The following UMOD variants were observed in gnomAD, a reference collection of about 807,000 sequenced individuals.
UMOD encodes the protein Tamm-Horsfall urinary glycoprotein.
Under a neutral mutation model 66.0 loss-of-function variants are expected in UMOD, and 64 were observed. The ratio of observed to expected loss-of-function variants is 0.97; its 90% confidence interval spans 0.79 to 1.19. The LOEUF (loss-of-function observed/expected upper bound fraction) is 1.19, where lower values mean the gene tolerates loss of function less well. Ranked by LOEUF, UMOD falls within the 50% of genes most tolerant of loss-of-function variation. The pLI, the probability that UMOD is intolerant of heterozygous loss-of-function variation, is 0.00. For synonymous variants in UMOD, 398 were observed against 352.7 expected (o/e 1.13, Z -1.44); for missense variants, 764 against 850.9 (o/e 0.90, Z 1.27).
At chr16:20,351,025 C>T (rs1049082732) in intron 1 of UMOD, 186 bp from the exon 2 acceptor site, 13 of 472,444 alleles carry the variant, frequency 2.8e-5, no homozygotes, top group Admixed American at 2.1e-4. Flanking sequence ...CTTACCTCAC[C>T]AACATCCCAG....
Position 20,341,285 on chromosome 16 carries a change from C to A in UMOD, c.1383G>T (p.Ala461=). The A allele has an allele frequency of 6.2e-7, 1 of 1,613,992 alleles. No individual in the cohort carries two copies. Among genetic ancestry groups the A allele is most frequent in the Admixed American group, 1.7e-5 (1 of 59,998 alleles). Residue 461 remains alanine, a synonymous_variant, in exon 7 of 11, where the codon GCG becomes GCT. Coordinates refer to ENST00000396138, the MANE Select transcript of UMOD (RefSeq NM_003361.4). Reference sequence around the variant, plus strand: ...GCGTGTAGGAAGGGGTCTGGAAGAGCGCCATCCGCACGGTGAACATGCCGG... The same window carrying A: ...GCGTGTAGGAAGGGGTCTGGAAGAGAGCCATCCGCACGGTGAACATGCCGG... ...GGTGMFTVRM[A]LFQTPSYTQP... is the part of the protein sequence containing the mutation.
Position 20,345,394 on chromosome 16 carries a change from CT to C in UMOD, c.1182+731del, listed in dbSNP as rs879393522. 8.5e-3 allele frequency among the ~76,000 whole-genome samples: 1,035 copies of C among 121,632 alleles called. 14 individuals carry two copies. Among genetic ancestry groups the C allele is most frequent in the African/African-American group, 0.037 (969 of 26,486 alleles). 79.8% of individuals were successfully genotyped at this position (121,632 alleles called of 152,430 possible). A position where few individuals can be genotyped will look rare whatever the true frequency, so the allele number is the denominator to read the frequency against. On this transcript the variant is annotated intron_variant, in intron 5 of 10. Transcript: ENST00000396138. ...CTTTCTTCCTTCCTTCCTTTCTTTT[CT>C]TTTTTTTTCTTTCTTTCTTTCTTTC...
rs1378361381 is a variant in UMOD at position 20,348,611 on chromosome 16, C to T, written c.690G>A (p.Trp230Ter). 1 of 1,587,294 alleles carries T rather than the reference C, an allele frequency of 6.3e-7. No homozygotes were observed. Among genetic ancestry groups the T allele is most frequent in the East Asian group, 2.3e-5 (1 of 43,830 alleles). ...CGCTGGACGGATGCGTGCCATTGAG[C>T]CACATGGGGGCGGCCGTGTTGCAGC... ...VLRCNTAAPM[W>*]LNGTHPSSDE... Residue 230 changes from tryptophan (W) to a stop codon, truncating the protein, a stop_gained, in exon 3 of 11, where the codon TGG becomes TGA. Transcript: ENST00000396138. LOFTEE classifies it high-confidence loss of function.
chr16:20,346,760 T>C (rs114112267), intron 4 of UMOD, among the ~76,000 whole-genome samples: 4,808 of 152,086 alleles, frequency 0.032, 146 homozygotes, highest in African/African-American at 0.075. Context: ...AGAATACGCA[T>C]CTCCCACAGT....
chr16:20,346,945 C>A (rs900374935), intron 4 of UMOD, among the ~76,000 whole-genome samples: 2 of 152,262 alleles, frequency 1.3e-5, no homozygotes, highest in Non-Finnish European at 2.9e-5. Flanking sequence ...TACTTTCTAC[C>A]CTTTTCACAT....
At chr16:20,353,931 T>A (rs1965987541), upstream of UMOD, among the ~76,000 whole-genome samples, 1 of 152,168 alleles carries the variant, frequency 6.6e-6, no homozygotes, top group Non-Finnish European at 1.5e-5. Context: ...AATAGGCCCC[T>A]GGGTGTGATG....
intron 5 of UMOD, 36 bp downstream of exon 5, chr16:20,346,090 G>A: frequency 1.3e-6 from 2 of 1,583,118 alleles, no homozygotes; most frequent in South Asian, 1.1e-5. Flanking sequence ...GAACCAGGCA[G>A]TGCTCTGGTT....
intron 6 of UMOD, among the ~76,000 whole-genome samples, chr16:20,341,570 G>C (rs1384925134): frequency 1.3e-5 from 2 of 152,176 alleles, no homozygotes; most frequent in African/African-American, 4.8e-5. Flanking sequence ...TGGGGCTCAA[G>C]GTCCTGCATT....
At chr16:20,348,356 C>A (rs751069723) in intron 3 of UMOD, 26 bp from the exon 4 acceptor site, 4 of 1,614,188 alleles carry the variant, frequency 2.5e-6, no homozygotes, top group Admixed American at 3.3e-5. Context: ...GACAGACAGA[C>A]AATCAATAAG....
At position 20,336,603 on chromosome 16, in the gene UMOD, T is replaced by C. The variant is rs778467406; in HGVS notation, c.1822+43A>G. On this transcript the variant is annotated intron_variant, in intron 9 of 10. Coordinates refer to ENST00000396138, the MANE Select transcript of UMOD (RefSeq NM_003361.4). The stretch of plus-strand genomic sequence containing the variant: ...TGTTATCCCTCTTCCTCTCCAGAAA[T>C]CTTTCCCAGCCAGGAATGTTGAGGA... 2.5e-6 allele frequency: 4 copies of C among 1,588,824 alleles called. No homozygotes were observed. The African/African-American group carries it at 5.4e-5, about 21-fold the overall frequency.
In UMOD at chr16:20,348,255, T is replaced by C. The variant is rs1420926704; in HGVS notation, c.941A>G (p.His314Arg). 1.2e-6 allele frequency: 2 copies of C among 1,613,992 alleles called. No individual in the cohort carries two copies. Among genetic ancestry groups the C allele is most frequent in the Non-Finnish European group, 1.7e-6 (2 of 1,179,968 alleles). The change falls in exon 4 of 11, where the codon CAC becomes CGC. Residue 314 changes from histidine (H) to arginine (R), a missense_variant. Coordinates refer to ENST00000396138, the MANE Select transcript of UMOD (RefSeq NM_003361.4). ...GTTGAAGTCCTGTTTGCACTGGCAGTGCCATCTGCCATTATTCGATTTGCA... is the reference window on the plus strand; with the variant it reads ...GTTGAAGTCCTGTTTGCACTGGCAGCGCCATCTGCCATTATTCGATTTGCA... The part of the protein sequence containing the change: ...EDCKSNNGRW[H>R]CQCKQDFNIT...
Position 20,337,323 on chromosome 16 carries a change from G to A in UMOD, c.1708C>T (p.Leu570Phe). 3.1e-6 allele frequency: 5 copies of A among 1,614,216 alleles called. No homozygotes were observed. The highest frequency in any genetic ancestry group is 1.1e-5 in the South Asian group (1 of 91,078). Residue 570 changes from leucine (L) to phenylalanine (F), a missense_variant, in exon 8 of 11, where the codon CTC (leucine) becomes TTC (phenylalanine). Leu to Phe is a conservative substitution (Grantham distance 22, BLOSUM62 0). Transcript: ENST00000396138. ...DLVYLHCEVYLCDTMNEKCKP... is the reference protein window; with the variant it reads ...DLVYLHCEVYFCDTMNEKCKP... Reference sequence around the variant, plus strand: ...CACTTTTCATTCATGGTGTCACAGAGATAGACTTCACAGTGCAGGTAGACT... The same window carrying A: ...CACTTTTCATTCATGGTGTCACAGAAATAGACTTCACAGTGCAGGTAGACT...
At chr16:20,344,665 T>C (rs1056331584) in intron 5 of UMOD, among the ~76,000 whole-genome samples, 1 of 135,858 alleles carries the variant, frequency 7.4e-6, no homozygotes, top group Admixed American at 7.4e-5. Flanking sequence ...AACGAGCCAA[T>C]TAATCATCTT....
chr16:20,354,155 T>C (rs775569501), upstream of UMOD, among the ~76,000 whole-genome samples: 9 of 152,216 alleles, frequency 5.9e-5, no homozygotes, highest in African/African-American at 1.4e-4. Context: ...CAGTCTATCA[T>C]TGATGGACAT....
chr16:20,336,626 G>A lies in UMOD; in HGVS notation c.1822+20C>T. The A allele has an allele frequency of 1.9e-6, 3 of 1,611,134 alleles. No homozygotes were observed. The highest frequency in any genetic ancestry group is 2.2e-5 in the East Asian group (1 of 44,868). On this transcript the variant is annotated intron_variant, in intron 9 of 10. Coordinates refer to ENST00000396138, the MANE Select transcript of UMOD (RefSeq NM_003361.4). ...AATCTTTCCCAGCCAGGAATGTTGA[G>A]GAGCGAGTGGCTCTCTTACCTTTCC...
At chr16:20,353,469 A>G (rs1373975236), upstream of UMOD, among the ~76,000 whole-genome samples, 2 of 152,200 alleles carry the variant, frequency 1.3e-5, no homozygotes, top group Non-Finnish European at 2.9e-5. Context: ...TGTCTATAAA[A>G]TGAGAATACC....
chr16:20,353,161 G>C (rs1233207317), upstream of UMOD, among the ~76,000 whole-genome samples: 1 of 152,138 alleles, frequency 6.6e-6, no homozygotes, highest in Non-Finnish European at 1.5e-5. Context: ...GTCTTGGAGA[G>C]GGCACCCTTC....
intron 4 of UMOD, 125 bp downstream of exon 4, chr16:20,348,098 C>T (rs899992929): frequency 3.6e-5 from 32 of 880,946 alleles, no homozygotes. Context: ...TCTGTTTTCA[C>T]TCAGGTTGGA....
chr16:20,345,502 C>CCCTT lies in UMOD; in HGVS notation c.1182+620_1182+623dup, dbSNP rs1228147595. ...TCCTTCCCTCCCTCCCTCCCTCCCT[C>CCCTT]CCTTCCTTCCTTCCTTCCTTCCTTC... On this transcript the variant is annotated intron_variant, in intron 5 of 10. Transcript: ENST00000396138. Among the ~76,000 whole-genome samples, 433 of 53,036 alleles carry CCCTT rather than the reference C, an allele frequency of 8.2e-3. 9 individuals are homozygous for CCCTT. The highest frequency in any genetic ancestry group is 0.027 in the East Asian group (78 of 2,900). 34.8% of individuals were successfully genotyped at this position (53,036 alleles called of 152,430 possible).
Sources: gnomAD v4.1 joint callset for allele counts (sites outside exome capture counted in the v4.1 genomes callset) on GRCh38, gnomAD v4.1.1 for gene constraint, MANE v1.5 for transcripts, NCBI Gene and HGNC (gene_info 2026-07-23, HGNC 2026-07-21) for gene names.